SMYD3: variants seen among roughly 807,000 people sequenced by gnomAD.
SMYD3 encodes SET and MYND domain containing 3, also known as histone-lysine N-methyltransferase SMYD3.
SMYD3 carries 36 observed loss-of-function variants against 57.7 expected under a neutral mutation model. That is an observed-to-expected ratio of 0.62 (90% CI 0.48 to 0.82). The LOEUF is 0.82. Among genes scored for constraint, SMYD3 ranks in the 40% least tolerant of loss-of-function variants. The pLI is 0.00. For synonymous variants in SMYD3, 211 were observed against 195.0 expected, an observed-to-expected ratio of 1.08 and a Z score of -0.68; for missense variants, 515 against 538.8, an observed-to-expected ratio of 0.96 and a Z score of 0.44.
intron 5 of SMYD3, among the ~76,000 whole-genome samples, chr1:246,099,264 A>G (rs2060969165): frequency 6.6e-6 from 1 of 152,202 alleles, no homozygotes; most frequent in African/African-American, 2.4e-5. Context: ...CTAAGTTATT[A>G]GTGAAGGGAC....
intron 5 of SMYD3, among the ~76,000 whole-genome samples, chr1:246,092,305 G>A (rs1489832450): frequency 6.6e-6 from 1 of 152,014 alleles, no homozygotes; most frequent in Admixed American, 6.6e-5. Flanking sequence ...AATTACCCAA[G>A]ACCCATCAGA....
At chr1:246,070,601 A>G (rs2060426078) in intron 5 of SMYD3, among the ~76,000 whole-genome samples, 1 of 152,154 alleles carries the variant, frequency 6.6e-6, no homozygotes. Flanking sequence ...CCTCCTCACG[A>G]AGAGGTGAAG....
At chr1:246,494,585 G>A (rs2068327284) in intron 1 of SMYD3, among the ~76,000 whole-genome samples, 1 of 152,156 alleles carries the variant, frequency 6.6e-6, no homozygotes, top group African/African-American at 2.4e-5. Flanking sequence ...CAATATTAGA[G>A]TCAAAAACTC....
At chr1:246,122,774 A>C (rs1190984922) in intron 5 of SMYD3, among the ~76,000 whole-genome samples, 2 of 152,196 alleles carry the variant, frequency 1.3e-5, no homozygotes, top group Non-Finnish European at 1.5e-5. Flanking sequence ...TGATGTCCTA[A>C]CCAAGGACAC....
At chr1:245,938,333 T>C (rs2057066170) in intron 5 of SMYD3, among the ~76,000 whole-genome samples, 3 of 152,204 alleles carry the variant, frequency 2.0e-5, no homozygotes, top group Non-Finnish European at 4.4e-5. Context: ...GGGGAGCACC[T>C]TGGGGGGCCA....
At chr1:246,313,228 A>C (rs2065106837) in intron 5 of SMYD3, among the ~76,000 whole-genome samples, 1 of 152,104 alleles carries the variant, frequency 6.6e-6, no homozygotes, top group Non-Finnish European at 1.5e-5. Flanking sequence ...GTTCCATAAA[A>C]TCTTGGCCAA....
intron 1 of SMYD3, among the ~76,000 whole-genome samples, chr1:246,445,469 T>C (rs2067538594): frequency 6.6e-6 from 1 of 152,194 alleles, no homozygotes; most frequent in Non-Finnish European, 1.5e-5. Flanking sequence ...AACATAAGAA[T>C]TTGTCCTTCT....
intron 10 of SMYD3, among the ~76,000 whole-genome samples, chr1:245,856,137 G>A (rs2051227250): frequency 1.3e-5 from 2 of 152,214 alleles, no homozygotes; most frequent in Admixed American, 1.3e-4. Context: ...CAGGGTTGCA[G>A]GGTACCTGAC....
intron 5 of SMYD3, among the ~76,000 whole-genome samples, chr1:246,187,265 G>A (rs2062656950): frequency 6.9e-6 from 1 of 144,834 alleles, no homozygotes; most frequent in African/African-American, 2.6e-5. Flanking sequence ...TCCAGCCTAG[G>A]CAACAGAGTG....
chr1:246,299,068 A>G (rs2064847221), intron 5 of SMYD3, among the ~76,000 whole-genome samples: 1 of 152,168 alleles, frequency 6.6e-6, no homozygotes, highest in South Asian at 2.1e-4. Context: ...ATAAAAATGT[A>G]AAATCTGTTT....
chr1:246,236,309 C>T (rs956971697), intron 5 of SMYD3, among the ~76,000 whole-genome samples: 1 of 152,166 alleles, frequency 6.6e-6, no homozygotes, highest in East Asian at 1.9e-4. Context: ...TAGCTCACTG[C>T]AGCCTCAACC....
intron 5 of SMYD3, among the ~76,000 whole-genome samples, chr1:246,188,433 T>C (rs1297269996): frequency 6.6e-6 from 1 of 152,174 alleles, no homozygotes; most frequent in East Asian, 1.9e-4. Context: ...TATTTTTATA[T>C]AACATAAAAT....
At chr1:246,075,984 G>T (rs1363022631) in intron 5 of SMYD3, among the ~76,000 whole-genome samples, 2 of 136,950 alleles carry the variant, frequency 1.5e-5, no homozygotes, top group African/African-American at 5.4e-5. Flanking sequence ...TTTGGCAAAA[G>T]AACCGAAAGA....
At chr1:246,138,647 G>T (rs191717086) in intron 5 of SMYD3, among the ~76,000 whole-genome samples, 3 of 147,466 alleles carry the variant, frequency 2.0e-5, no homozygotes, top group African/African-American at 7.3e-5. Flanking sequence ...GGATGGTCTC[G>T]ATCTCCTGAC....
chr1:246,273,021 C>T (rs1307600366), intron 5 of SMYD3, among the ~76,000 whole-genome samples: 1 of 151,906 alleles, frequency 6.6e-6, no homozygotes, highest in Non-Finnish European at 1.5e-5. Context: ...TTTTATATTT[C>T]CAGAAGTTTG....
intron 1 of SMYD3, among the ~76,000 whole-genome samples, chr1:246,458,003 T>C (rs2067729575): frequency 6.6e-6 from 1 of 152,216 alleles, no homozygotes; most frequent in African/African-American, 2.4e-5. Context: ...CGTATGTGAT[T>C]TTATCACCTG....
chr1:246,498,786 A>C (rs1572060181), intron 1 of SMYD3, among the ~76,000 whole-genome samples: 2 of 151,812 alleles, frequency 1.3e-5, no homozygotes, highest in African/African-American at 2.4e-5. Context: ...AAAAAGAAAA[A>C]ATATAAGATG....
chr1:245,930,176 A>C, intron 5 of SMYD3: 1 of 545,796 alleles, frequency 1.8e-6, no homozygotes, highest in South Asian at 1.7e-5. Context: ...AAAAAAAAAA[A>C]ACAGACGGAA....
At chr1:246,141,173 A>G (rs887838021) in intron 5 of SMYD3, among the ~76,000 whole-genome samples, 1 of 152,210 alleles carries the variant, frequency 6.6e-6, no homozygotes, top group Admixed American at 6.5e-5. Context: ...TTAGGGTCAC[A>G]TGGAGCTAAT....
Sources: allele counts gnomAD v4.1 joint callset (sites outside exome capture counted in the v4.1 genomes callset), GRCh38; gene constraint gnomAD v4.1.1; transcripts MANE v1.5; gene names NCBI Gene and HGNC (gene_info 2026-07-23, HGNC 2026-07-21).